ATRNL1: variants seen among roughly 807,000 people sequenced by gnomAD.
ATRNL1 encodes attractin-like protein 1.
ATRNL1 carries 95 observed loss-of-function variants against 182.7 expected under a neutral mutation model. That is an observed-to-expected ratio of 0.52 (90% CI 0.44 to 0.62). The LOEUF (loss-of-function observed/expected upper bound fraction) is 0.62, where lower values mean the gene tolerates loss of function less well. Among genes scored for constraint, ATRNL1 ranks in the 20% least tolerant of loss-of-function variants. The probability of loss-of-function intolerance (pLI) is 0.00; values close to 1 mark genes in which losing one functional copy is unlikely to be tolerated. For missense variants in ATRNL1, 1,471 were observed against 1,679.5 expected (o/e 0.88, Z 2.17); for synonymous variants, 576 against 568.3 (o/e 1.01, Z -0.19).
chr10:115,389,792 C>G (rs1592581162), intron 19 of ATRNL1, among the ~76,000 whole-genome samples: 2 of 151,480 alleles, frequency 1.3e-5, no homozygotes, highest in South Asian at 4.2e-4. Context: ...TTCATAATGA[C>G]TATTATTTTA....
chr10:115,679,169 A>C (rs901931142), intron 26 of ATRNL1, among the ~76,000 whole-genome samples: 1 of 152,072 alleles, frequency 6.6e-6, no homozygotes, highest in East Asian at 1.9e-4. Flanking sequence ...CTCTTTGGCC[A>C]TATCTGAAGT....
At chr10:115,104,204 T>C (rs1843901197) in intron 1 of ATRNL1, among the ~76,000 whole-genome samples, 1 of 152,204 alleles carries the variant, frequency 6.6e-6, no homozygotes. Flanking sequence ...TGCCAGCATT[T>C]GTTTCTGTCT....
intron 26 of ATRNL1, among the ~76,000 whole-genome samples, chr10:115,614,618 G>C (rs1555020190): frequency 1.3e-5 from 2 of 152,076 alleles, no homozygotes; most frequent in African/African-American, 4.8e-5. Context: ...GCTGAAAGTA[G>C]AGTGTTCAAG....
intron 26 of ATRNL1, among the ~76,000 whole-genome samples, chr10:115,719,087 T>C (rs1947340601): frequency 6.6e-6 from 1 of 152,228 alleles, no homozygotes; most frequent in Non-Finnish European, 1.5e-5. Flanking sequence ...TAGGCTTTTA[T>C]TTTTTAAAAA....
At chr10:115,275,491 G>A (rs1852064077) in intron 13 of ATRNL1, among the ~76,000 whole-genome samples, 1 of 152,186 alleles carries the variant, frequency 6.6e-6, no homozygotes, top group African/African-American at 2.4e-5. Flanking sequence ...ATAGATGTAA[G>A]CAAGTCAGAC....
intron 27 of ATRNL1, among the ~76,000 whole-genome samples, chr10:115,798,143 T>G (rs1432999739): frequency 6.6e-6 from 1 of 152,124 alleles, no homozygotes; most frequent in Non-Finnish European, 1.5e-5. Flanking sequence ...GGTCTCGATC[T>G]CCTGACCTTG....
rs912779196 is a variant in ATRNL1, at chr10:115,192,814, A to G, written c.1348+21522A>G. On this transcript the variant is annotated intron_variant, in intron 8 of 28. Transcript: ENST00000355044. ...GGTTAAGTTAATTCCCAGACATTTT[A>G]TTTCACTTGTAGCTATTTTAAATGG... Among the ~76,000 whole-genome samples the G allele has an allele frequency of 5.3e-5, 8 of 151,784 alleles. No individual in the cohort carries two copies. The East Asian group carries it at 1.4e-3, about 26-fold the overall frequency.
chr10:115,395,519 T>A (rs1844243708), intron 20 of ATRNL1, among the ~76,000 whole-genome samples: 1 of 151,910 alleles, frequency 6.6e-6, no homozygotes, highest in Non-Finnish European at 1.5e-5. Flanking sequence ...ATCTTTACAC[T>A]TTTCTTTCAT....
At position 115,304,462 on chromosome 10, in the gene ATRNL1, G is replaced by A. The variant is rs1333086922; in HGVS notation, c.2818+2419G>A. Among the ~76,000 whole-genome samples, 16 of 152,138 alleles carry A rather than the reference G, an allele frequency of 1.1e-4. 1 individual carries two copies. The highest frequency in any genetic ancestry group is 1.0e-3 in the Admixed American group (16 of 15,274). On this transcript the variant is annotated intron_variant, in intron 17 of 28. Transcript: ENST00000355044. ...TAGATTAAACAATACGGACACACGT[G>A]GAGTGGTTTTAAGGAGCAGAGAGTT...
intron 28 of ATRNL1, among the ~76,000 whole-genome samples, chr10:115,898,429 C>G (rs1952262590): frequency 6.6e-6 from 1 of 152,216 alleles, no homozygotes; most frequent in Non-Finnish European, 1.5e-5. Context: ...TCTGCTGCCC[C>G]CACGTGGGCT....
chr10:115,365,875 G>A (rs1348423081), intron 19 of ATRNL1, among the ~76,000 whole-genome samples: 1 of 152,052 alleles, frequency 6.6e-6, no homozygotes, highest in Non-Finnish European at 1.5e-5. Flanking sequence ...ATTGCACTGT[G>A]GTCTGAGAGA....
intron 28 of ATRNL1, among the ~76,000 whole-genome samples, chr10:115,891,796 A>G (rs1024938395): frequency 2.0e-5 from 3 of 152,224 alleles, no homozygotes; most frequent in Non-Finnish European, 2.9e-5. Flanking sequence ...TAACTCAGTC[A>G]GGTAAGCTAG....
chr10:115,554,989 C>T (rs1439234704), intron 26 of ATRNL1, among the ~76,000 whole-genome samples: 5 of 151,550 alleles, frequency 3.3e-5, no homozygotes, highest in African/African-American at 9.7e-5. Context: ...TATATTCAAA[C>T]GAATGTATAT....
chr10:115,539,818 A>G (rs1349238910), intron 25 of ATRNL1, among the ~76,000 whole-genome samples: 4 of 152,164 alleles, frequency 2.6e-5, no homozygotes, highest in East Asian at 1.9e-4. Flanking sequence ...GAGAGCCAAG[A>G]TAAACCCTGT....
intron 25 of ATRNL1, among the ~76,000 whole-genome samples, chr10:115,520,058 A>G (rs530134046): frequency 5.9e-5 from 9 of 152,268 alleles, no homozygotes; most frequent in African/African-American, 2.2e-4. Context: ...TCACGTGTGA[A>G]GTTTATGCTG....
intron 22 of ATRNL1, among the ~76,000 whole-genome samples, chr10:115,463,807 C>G (rs966373240): frequency 1.1e-4 from 17 of 151,994 alleles, no homozygotes; most frequent in Non-Finnish European, 1.8e-4. Context: ...CAAGGTTCAT[C>G]CATGTTGTAG....
At chr10:115,892,859 G>C (rs1952113194) in intron 28 of ATRNL1, among the ~76,000 whole-genome samples, 1 of 152,168 alleles carries the variant, frequency 6.6e-6, no homozygotes, top group South Asian at 2.1e-4. Flanking sequence ...TTATAATGAA[G>C]TAATTTAATT....
chr10:115,461,490 G>A (rs980767153), intron 21 of ATRNL1, among the ~76,000 whole-genome samples: 15 of 152,104 alleles, frequency 9.9e-5, no homozygotes, highest in African/African-American at 3.4e-4. Flanking sequence ...ATATTATTTA[G>A]CTATCAAACT....
At chr10:115,632,049 G>T (rs1228773324) in intron 26 of ATRNL1, among the ~76,000 whole-genome samples, 1 of 152,108 alleles carries the variant, frequency 6.6e-6, no homozygotes, top group Non-Finnish European at 1.5e-5. Context: ...GGGAAGTATG[G>T]GTTTTAGTTA....
Sources: allele counts gnomAD v4.1 joint callset (sites outside exome capture counted in the v4.1 genomes callset), GRCh38; gene constraint gnomAD v4.1.1; transcripts MANE v1.5; gene names NCBI Gene and HGNC (gene_info 2026-07-23, HGNC 2026-07-21).